The following CSMD2 variants were observed in gnomAD, a reference collection of about 807,000 sequenced individuals.
The protein encoded by CSMD2 is CUB and sushi domain-containing protein 2.
A neutral mutation model predicts 398.5 loss-of-function variants in CSMD2; 130 were observed. The ratio of observed to expected loss-of-function variants is 0.33; its 90% CI spans 0.28 to 0.38. The LOEUF (loss-of-function observed/expected upper bound fraction) is 0.38. Ranked by LOEUF, CSMD2 falls within the 10% of genes least tolerant of loss-of-function variation. CSMD2 has a pLI of 1.00. For synonymous variants in CSMD2, 1,828 were observed against 1,908.5 expected (o/e 0.96, Z 1.10); for missense variants, 3,829 against 4,764.9 (o/e 0.80, Z 5.78).
At chr1:33,859,474 C>G (rs776876310) in intron 5 of CSMD2, among the ~76,000 whole-genome samples, 3 of 152,226 alleles carry the variant, frequency 2.0e-5, no homozygotes, top group Non-Finnish European at 4.4e-5. Flanking sequence ...ATCAGGCCCA[C>G]CTGATAATCC....
At chr1:33,661,539 G>T (rs1270566598) in intron 26 of CSMD2, among the ~76,000 whole-genome samples, 1 of 152,154 alleles carries the variant, frequency 6.6e-6, no homozygotes, top group Non-Finnish European at 1.5e-5. Flanking sequence ...GTCTGCATCA[G>T]CCTGAGCACC....
At chr1:33,789,226 C>T (rs924991298) in intron 11 of CSMD2, among the ~76,000 whole-genome samples, 6 of 150,482 alleles carry the variant, frequency 4.0e-5, no homozygotes, top group African/African-American at 1.5e-4. Context: ...AGGAACAAGG[C>T]TTAGAGTGTA....
At chr1:33,846,698 TG>T (rs2125077836) in intron 6 of CSMD2, among the ~76,000 whole-genome samples, 185 bp downstream of exon 6, 1 of 152,332 alleles carries the variant, frequency 6.6e-6, no homozygotes, top group African/African-American at 2.4e-5. Context: ...CATCCCTCTC[TG>T]GGGCAAAAGA....
In CSMD2 at chr1:33,533,018, C is replaced by T. The variant is rs747765212; in HGVS notation, c.10171+32G>A. 6.4e-7 allele frequency: 1 copy of T among 1,574,298 alleles called. No individual in the cohort carries two copies. The highest frequency in any genetic ancestry group is 8.6e-7 in the Non-Finnish European group (1 of 1,159,316). On this transcript the variant is annotated intron_variant, in intron 64 of 70. Transcript: ENST00000373381. This position sits in a 1 kb window ranked among gnomAD's most constrained non-coding sequence, Gnocchi z 4.2. Reference sequence around the variant, plus strand: ...TCAGCCAGCACTTTCAGCCTCCCGCCCTGGAGAGCTTCCCCGAGCAGGCAC... The same window carrying T: ...TCAGCCAGCACTTTCAGCCTCCCGCTCTGGAGAGCTTCCCCGAGCAGGCAC...
At chr1:33,651,353 C>A (rs1643744616) in intron 28 of CSMD2, among the ~76,000 whole-genome samples, 1 of 152,200 alleles carries the variant, frequency 6.6e-6, no homozygotes, top group Non-Finnish European at 1.5e-5. Context: ...GAACAGAGCT[C>A]TTCTGGGGGA....
At chr1:33,776,969 A>G (rs2149339662) in intron 12 of CSMD2, among the ~76,000 whole-genome samples, 2 of 152,130 alleles carry the variant, frequency 1.3e-5, no homozygotes, top group Middle Eastern at 3.4e-3. Context: ...AGGAAGTGAG[A>G]AGGTCAAGGC....
At chr1:33,629,775 C>T (rs150978195) in intron 32 of CSMD2, among the ~76,000 whole-genome samples, 2,088 of 151,322 alleles carry the variant, frequency 0.014, 43 homozygotes, top group African/African-American at 0.048. Context: ...CGGAGTCTCT[C>T]TCTGTCGCCC....
At chr1:34,076,909 C>CAAAAAAAAAAAAAAAA (rs1160217243) in intron 2 of CSMD2, among the ~76,000 whole-genome samples, 1 of 10,210 alleles carries the variant, frequency 9.8e-5, no homozygotes, top group Admixed American at 1.5e-3. Flanking sequence ...TACAGCAAAG[C>CAAAAAAAAAAAAAAAA]AAAAAAAAAA....
At chr1:33,638,126 G>A (rs912926757) in intron 29 of CSMD2, among the ~76,000 whole-genome samples, 4 of 152,248 alleles carry the variant, frequency 2.6e-5, no homozygotes, top group East Asian at 3.9e-4. Flanking sequence ...AAGTGGGACC[G>A]ACAACATGGC....
intron 5 of CSMD2, among the ~76,000 whole-genome samples, chr1:33,850,750 A>AT (rs57941409): frequency 2.0e-5 from 3 of 150,314 alleles, no homozygotes; most frequent in South Asian, 2.1e-4. Flanking sequence ...ATTACACTCA[A>AT]TTTTTTTTTT....
chr1:33,564,185 T>C (rs746164393), intron 53 of CSMD2, among the ~76,000 whole-genome samples: 2 of 152,246 alleles, frequency 1.3e-5, no homozygotes, highest in Admixed American at 6.5e-5. Context: ...ATTTATTTAA[T>C]GCTCCCAGTA....
chr1:33,877,488 C>T (rs1640920013), intron 5 of CSMD2, among the ~76,000 whole-genome samples: 1 of 152,164 alleles, frequency 6.6e-6, no homozygotes. Flanking sequence ...CTCATCTGTT[C>T]TTAATTATAT....
chr1:33,536,925 G>T, intron 62 of CSMD2, 97 bp downstream of exon 62: 1 of 1,179,246 alleles, frequency 8.5e-7, no homozygotes, highest in Admixed American at 1.8e-5. Flanking sequence ...TGTCCTCCCT[G>T]AGTGCTGTCC....
intron 29 of CSMD2, among the ~76,000 whole-genome samples, chr1:33,642,641 TG>T (rs2148935306): frequency 6.6e-6 from 1 of 152,336 alleles, no homozygotes; most frequent in African/African-American, 2.4e-5. Context: ...TTTGCTTTTT[TG>T]TGTCAGAGTT....
intron 25 of CSMD2, among the ~76,000 whole-genome samples, chr1:33,677,789 T>A (rs955173737): frequency 9.2e-5 from 14 of 151,612 alleles, no homozygotes; most frequent in Non-Finnish European, 1.8e-4. Flanking sequence ...TAAAAAATGG[T>A]GAGTTCATGT....
intron 25 of CSMD2, among the ~76,000 whole-genome samples, chr1:33,690,276 C>G (rs1645193200): frequency 6.6e-6 from 1 of 152,184 alleles, no homozygotes; most frequent in Non-Finnish European, 1.5e-5. Flanking sequence ...CTGCTTCACT[C>G]TGCCTAGAGG....
intron 1 of CSMD2, among the ~76,000 whole-genome samples, chr1:34,147,736 G>T (rs1639914790): frequency 6.6e-6 from 1 of 152,050 alleles, no homozygotes; most frequent in Non-Finnish European, 1.5e-5. Flanking sequence ...AGGGGAGGGA[G>T]GAGTTAGAGA....
At chr1:34,065,920 G>A (rs1655057104) in intron 2 of CSMD2, among the ~76,000 whole-genome samples, 1 of 152,158 alleles carries the variant, frequency 6.6e-6, no homozygotes, top group Non-Finnish European at 1.5e-5. Context: ...CAGAAGTTCA[G>A]AGGGATCCAT....
chr1:33,606,372 C>A (rs960085789), intron 41 of CSMD2, among the ~76,000 whole-genome samples: 1 of 152,210 alleles, frequency 6.6e-6, no homozygotes, highest in Non-Finnish European at 1.5e-5. Context: ...ATAACAACAT[C>A]AATAACGCGG....
Sources: gnomAD v4.1 joint callset for allele counts (sites outside exome capture counted in the v4.1 genomes callset) on GRCh38, gnomAD v4.1.1 for gene constraint, Gnocchi (gnomAD v3.1) non-coding constraint, MANE v1.5 for transcripts, NCBI Gene and HGNC (gene_info 2026-07-23, HGNC 2026-07-21) for gene names.